The following AGBL1 variants were observed in gnomAD, a reference collection of about 807,000 sequenced individuals.
The protein encoded by AGBL1 is cytosolic carboxypeptidase 4.
Under a neutral mutation model 118.9 loss-of-function variants are expected in AGBL1, and 130 were observed. That is an observed-to-expected ratio of 1.09 (90% CI 0.95 to 1.26). The LOEUF (loss-of-function observed/expected upper bound fraction) is 1.26. Among genes scored for constraint, AGBL1 ranks in the 50% most tolerant of loss-of-function variants. The probability of loss-of-function intolerance (pLI) is 0.00; values close to 1 mark genes in which losing one functional copy is unlikely to be tolerated. For synonymous variants in AGBL1, 555 were observed against 478.9 expected, an observed-to-expected ratio of 1.16 and a Z score of -2.08; for missense variants, 1,584 against 1,298.1, an observed-to-expected ratio of 1.22 and a Z score of -3.38.
chr15:86,234,881 C>T (rs948963994), intron 6 of AGBL1, among the ~76,000 whole-genome samples: 2 of 152,162 alleles, frequency 1.3e-5, no homozygotes, highest in Non-Finnish European at 2.9e-5. Context: ...GATATAAGGG[C>T]ATAAAGCCTG....
intron 17 of AGBL1, among the ~76,000 whole-genome samples, chr15:86,372,852 T>TGG (rs550554181): frequency 2.2e-4 from 34 of 152,036 alleles, no homozygotes; most frequent in African/African-American, 7.7e-4. Flanking sequence ...GTAGTTATAG[T>TGG]GAGGAAGAGG....
At chr15:86,343,282 T>G (rs2080489332) in intron 17 of AGBL1, among the ~76,000 whole-genome samples, 1 of 152,152 alleles carries the variant, frequency 6.6e-6, no homozygotes, top group South Asian at 2.1e-4. Flanking sequence ...CAGCATGGTT[T>G]TTATTCTCCC....
intron 24 of AGBL1, among the ~76,000 whole-genome samples, chr15:86,991,069 C>T (rs756065176): frequency 1.3e-5 from 2 of 152,108 alleles, no homozygotes; most frequent in Non-Finnish European, 2.9e-5. Context: ...TACCTAGGCT[C>T]TCTGATCCTG....
At chr15:86,289,507 T>C (rs116721541) in intron 16 of AGBL1, among the ~76,000 whole-genome samples, 98 of 152,320 alleles carry the variant, frequency 6.4e-4, no homozygotes, top group Middle Eastern at 3.4e-3. Flanking sequence ...CTGCATGAGA[T>C]AGGTAATGAT....
chr15:86,954,390 G>A lies in AGBL1; in HGVS notation c.3222-33597G>A, dbSNP rs561871261. On this transcript the variant is annotated intron_variant, in intron 23 of 24. Transcript: ENST00000441037. ...GTGCTATTCACAATAGCAATGACACGGAATCAACCTAGGTGTCCATCAGTG... is the reference window on the plus strand; with the variant it reads ...GTGCTATTCACAATAGCAATGACACAGAATCAACCTAGGTGTCCATCAGTG... 1.6e-3 allele frequency among the ~76,000 whole-genome samples: 244 copies of A among 152,214 alleles called. 2 individuals carry two copies. The highest frequency in any genetic ancestry group is 2.7e-3 in the Non-Finnish European group (187 of 68,016).
At chr15:86,499,175 A>G (rs1479945562) in intron 18 of AGBL1, among the ~76,000 whole-genome samples, 2 of 151,918 alleles carry the variant, frequency 1.3e-5, no homozygotes, top group East Asian at 1.9e-4. Flanking sequence ...TATTTAGTAA[A>G]AATATTATAG....
At chr15:86,798,068 G>A (rs2078598221) in intron 22 of AGBL1, among the ~76,000 whole-genome samples, 1 of 152,174 alleles carries the variant, frequency 6.6e-6, no homozygotes, top group Non-Finnish European at 1.5e-5. Flanking sequence ...TGGTACAGAT[G>A]TTGCAATTGA....
chr15:86,500,738 G>T (rs532174451), intron 18 of AGBL1, among the ~76,000 whole-genome samples: 16 of 151,746 alleles, frequency 1.1e-4, no homozygotes, highest in African/African-American at 3.9e-4. Flanking sequence ...TCATATAAAT[G>T]GTATGATATA....
chr15:86,614,685 A>C (rs908537840), intron 21 of AGBL1, among the ~76,000 whole-genome samples: 1 of 152,216 alleles, frequency 6.6e-6, no homozygotes, highest in Non-Finnish European at 1.5e-5. Context: ...TGGCCTGAGC[A>C]GCTTCCATCA....
intron 18 of AGBL1, among the ~76,000 whole-genome samples, chr15:86,454,624 C>T (rs1367852809): frequency 6.6e-6 from 1 of 152,156 alleles, no homozygotes; most frequent in East Asian, 1.9e-4. Flanking sequence ...CTGACATGAT[C>T]AGCCAAATAA....
chr15:86,174,403 T>A (rs2077454768), intron 5 of AGBL1, among the ~76,000 whole-genome samples: 1 of 152,106 alleles, frequency 6.6e-6, no homozygotes. Context: ...AGAGAGACAA[T>A]TTGACTTTCT....
intron 24 of AGBL1, among the ~76,000 whole-genome samples, chr15:87,005,546 C>G (rs2081489631): frequency 6.6e-6 from 1 of 152,152 alleles, no homozygotes; most frequent in Admixed American, 6.5e-5. Context: ...TCCATCAGGT[C>G]CTTTAAGGAC....
intron 5 of AGBL1, among the ~76,000 whole-genome samples, chr15:86,190,604 C>T (rs1295246301): frequency 6.6e-6 from 1 of 152,176 alleles, no homozygotes; most frequent in Non-Finnish European, 1.5e-5. Context: ...GTTCCCTCCT[C>T]CTCTTCCTAT....
chr15:86,305,336 G>T (rs2079821041), intron 17 of AGBL1, among the ~76,000 whole-genome samples: 1 of 152,136 alleles, frequency 6.6e-6, no homozygotes, highest in South Asian at 2.1e-4. Flanking sequence ...GAAAGCTACC[G>T]CCAGATTCAA....
chr15:86,250,196 C>T (rs1332208602), intron 7 of AGBL1, among the ~76,000 whole-genome samples: 1 of 152,044 alleles, frequency 6.6e-6, no homozygotes. Flanking sequence ...GAATTCCTCA[C>T]CACCACCACT....
chr15:86,086,589 A>G (rs1177198260), intron 1 of AGBL1, among the ~76,000 whole-genome samples: 1 of 152,158 alleles, frequency 6.6e-6, no homozygotes, highest in African/African-American at 2.4e-5. Flanking sequence ...GTATGTGCTC[A>G]ATATGTCTCC....
chr15:86,718,118 ATAT>A (rs2086664773), intron 22 of AGBL1, among the ~76,000 whole-genome samples: 2 of 152,128 alleles, frequency 1.3e-5, no homozygotes, highest in Admixed American at 6.6e-5. Context: ...AGGAGAAAAA[ATAT>A]TATTAATATT....
chr15:86,814,902 A>C (rs1016836919), intron 22 of AGBL1, among the ~76,000 whole-genome samples: 2 of 152,304 alleles, frequency 1.3e-5, no homozygotes, highest in Non-Finnish European at 2.9e-5. Flanking sequence ...GAAATGCATT[A>C]AAGTTTCTAA....
At chr15:86,747,648 G>C (rs978885138) in intron 22 of AGBL1, among the ~76,000 whole-genome samples, 7 of 151,984 alleles carry the variant, frequency 4.6e-5, no homozygotes, top group Admixed American at 1.3e-4. Flanking sequence ...CCCACAACAG[G>C]CCCCAGTGTG....
Sources: gnomAD v4.1 joint callset for allele counts (sites outside exome capture counted in the v4.1 genomes callset) on GRCh38, gnomAD v4.1.1 for gene constraint, MANE v1.5 for transcripts, NCBI Gene and HGNC (gene_info 2026-07-23, HGNC 2026-07-21) for gene names.